Variants in NRG2 observed in about 807,000 individuals in gnomAD.
NRG2 encodes the protein pro-neuregulin-2, membrane-bound isoform.
A neutral mutation model predicts 73.9 loss-of-function variants in NRG2; 27 were observed. The observed-to-expected ratio is 0.37, with a 90% CI of 0.27 to 0.50. The LOEUF is 0.50. NRG2 is among the 20% of genes least tolerant of loss of function. NRG2 has a pLI of 0.96. For missense variants in NRG2, 1,126 were observed against 1,210.1 expected, an observed-to-expected ratio of 0.93 and a Z score of 1.03; for synonymous variants, 532 against 541.0, an observed-to-expected ratio of 0.98 and a Z score of 0.23.
chr5:139,959,955 TG>T (rs1754937040), intron 1 of NRG2, among the ~76,000 whole-genome samples: 1 of 152,180 alleles, frequency 6.6e-6, no homozygotes, highest in African/African-American at 2.4e-5. Context: ...GAGTAGGGGT[TG>T]GTGATGCTGC....
At position 139,945,494 on chromosome 5, in the gene NRG2, G is replaced by T. The variant is rs375787297; in HGVS notation, c.701-57983C>A. ...GGGTTTATTTCTGGTTCTCTGTTCTGTTCCATTGGTCTATGTGTCTGTTTT... is the reference window on the plus strand; with the variant it reads ...GGGTTTATTTCTGGTTCTCTGTTCTTTTCCATTGGTCTATGTGTCTGTTTT... On this transcript the variant is annotated intron_variant, in intron 1 of 9. Transcript: ENST00000361474. 1.6e-4 allele frequency among the ~76,000 whole-genome samples: 24 copies of T among 152,154 alleles called. 2 individuals carry two copies. The highest frequency in any genetic ancestry group is 5.8e-4 in the African/African-American group (24 of 41,532).
intron 1 of NRG2, among the ~76,000 whole-genome samples, chr5:139,901,467 T>C (rs1299536536): frequency 6.6e-6 from 1 of 152,146 alleles, no homozygotes. Context: ...CCCCCAGATG[T>C]GGCTCCGATA....
chr5:140,022,436 T>C (rs1760317414), intron 1 of NRG2, among the ~76,000 whole-genome samples: 1 of 152,224 alleles, frequency 6.6e-6, no homozygotes, highest in Non-Finnish European at 1.5e-5. Flanking sequence ...CATTAGCCCT[T>C]TACAAGCTTT....
At chr5:140,009,023 TC>T (rs1237453686) in intron 1 of NRG2, among the ~76,000 whole-genome samples, 2 of 152,212 alleles carry the variant, frequency 1.3e-5, no homozygotes, top group African/African-American at 4.8e-5. Context: ...AACCATTATT[TC>T]TGGCACTTAG....
In NRG2 at chr5:140,033,583, C is replaced by G. The variant is rs115193806; in HGVS notation, c.700+8787G>C. On this transcript the variant is annotated intron_variant, in intron 1 of 9. Transcript: ENST00000361474. ...CATATCCTGGGACTCACAAGGGTGTCTCCACAATGTGACCACACACATAAC... is the reference window on the plus strand; with the variant it reads ...CATATCCTGGGACTCACAAGGGTGTGTCCACAATGTGACCACACACATAAC... 3.8e-3 allele frequency among the ~76,000 whole-genome samples: 580 copies of G among 152,348 alleles called. 4 individuals are homozygous for G. Among genetic ancestry groups the G allele is most frequent in the African/African-American group, 0.011 (465 of 41,574 alleles).
At chr5:139,903,946 C>A (rs973566564) in intron 1 of NRG2, among the ~76,000 whole-genome samples, 9 of 152,224 alleles carry the variant, frequency 5.9e-5, no homozygotes, top group African/African-American at 2.2e-4. Context: ...GCGGCCAGGC[C>A]GGGCCCAGCG....
chr5:139,942,304 A>C (rs1404760474), intron 1 of NRG2, among the ~76,000 whole-genome samples: 1 of 152,196 alleles, frequency 6.6e-6, no homozygotes, highest in Non-Finnish European at 1.5e-5. Context: ...CCTTCAAAGT[A>C]CCTGTAGATA....
At chr5:139,931,914 T>C (rs1048354505) in intron 1 of NRG2, among the ~76,000 whole-genome samples, 2 of 152,284 alleles carry the variant, frequency 1.3e-5, no homozygotes, top group African/African-American at 2.4e-5. Flanking sequence ...TGGACAGCTA[T>C]TATCAAAAAG....
intron 1 of NRG2, among the ~76,000 whole-genome samples, chr5:139,892,613 G>A (rs1422436900): frequency 2.0e-5 from 3 of 152,080 alleles, no homozygotes; most frequent in Admixed American, 1.3e-4. Context: ...TTACAGCCCA[G>A]GGCCCACACT....
At chr5:139,902,011 C>G (rs772183054) in intron 1 of NRG2, among the ~76,000 whole-genome samples, 7 of 152,180 alleles carry the variant, frequency 4.6e-5, no homozygotes, top group Non-Finnish European at 1.0e-4. Context: ...GAGGGCTGAG[C>G]GTAGACTGCA....
intron 1 of NRG2, among the ~76,000 whole-genome samples, chr5:139,988,796 T>C (rs533932726): frequency 7.2e-5 from 11 of 151,866 alleles, no homozygotes; most frequent in African/African-American, 2.7e-4. Context: ...TGGGTGATAA[T>C]GATGTGTCAA....
chr5:139,890,581 T>C (rs1004047411), intron 1 of NRG2, among the ~76,000 whole-genome samples: 7 of 151,968 alleles, frequency 4.6e-5, no homozygotes, highest in Admixed American at 1.3e-4. Context: ...TCCTGCTTTA[T>C]CTTCCTTCCC....
At chr5:139,872,140 C>T (rs887191478) in intron 3 of NRG2, among the ~76,000 whole-genome samples, 2 of 152,196 alleles carry the variant, frequency 1.3e-5, no homozygotes, top group Non-Finnish European at 2.9e-5. Context: ...GGAACTGCTT[C>T]CTCTGCTGAA....
chr5:139,900,985 C>T (rs930083487), intron 1 of NRG2, among the ~76,000 whole-genome samples: 2 of 152,236 alleles, frequency 1.3e-5, no homozygotes, highest in Non-Finnish European at 2.9e-5. Context: ...GCCTAGGTCT[C>T]CACCTAGGAG....
rs1370175007 is a variant in NRG2, at chr5:140,016,789, C to T, written c.700+25581G>A. Among the ~76,000 whole-genome samples the T allele has an allele frequency of 2.6e-5, 4 of 152,138 alleles. No individual in the cohort carries two copies. In the East Asian group the frequency reaches 7.7e-4, roughly 29 times the overall value. On this transcript the variant is annotated intron_variant, in intron 1 of 9. Transcript: ENST00000361474. ...TAGGTGAGGAGGAGGAAGAGCATCT[C>T]GGAGAGAGGGGACAACACGTACAAC...
chr5:140,031,887 C>T (rs1015783148), intron 1 of NRG2, among the ~76,000 whole-genome samples: 14 of 152,026 alleles, frequency 9.2e-5, no homozygotes, highest in African/African-American at 3.4e-4. Flanking sequence ...AGCCCACACC[C>T]TACCCAATAC....
intron 1 of NRG2, among the ~76,000 whole-genome samples, chr5:139,987,772 G>A (rs868043162): frequency 1.6e-5 from 2 of 126,164 alleles, no homozygotes; most frequent in African/African-American, 6.0e-5. Context: ...TCTGCAGGTT[G>A]TTTTTTTTTT....
At chr5:139,948,638 T>G (rs1753972151) in intron 1 of NRG2, among the ~76,000 whole-genome samples, 1 of 152,260 alleles carries the variant, frequency 6.6e-6, no homozygotes, top group African/African-American at 2.4e-5. Context: ...GGTCTGGACT[T>G]TATCTTGAGT....
intron 1 of NRG2, among the ~76,000 whole-genome samples, chr5:139,889,726 T>C (rs947953645): frequency 1.1e-4 from 17 of 152,176 alleles, no homozygotes; most frequent in Non-Finnish European, 2.1e-4. Context: ...TACTGCTGTA[T>C]GGGGGAGGAT....
Sources: allele counts gnomAD v4.1 joint callset (sites outside exome capture counted in the v4.1 genomes callset), GRCh38; gene constraint gnomAD v4.1.1; transcripts MANE v1.5; gene names NCBI Gene and HGNC (gene_info 2026-07-23, HGNC 2026-07-21).